Variants in TBC1D10B observed in about 807,000 individuals in gnomAD.
The protein encoded by TBC1D10B is TBC1 domain family member 10B, also known as Rab27A-GAPbeta.
A neutral mutation model predicts 78.4 loss-of-function variants in TBC1D10B; 25 were observed. The observed-to-expected ratio is 0.32, with a 90% CI of 0.23 to 0.45. The LOEUF (loss-of-function observed/expected upper bound fraction) is 0.45. TBC1D10B is among the 20% of genes least tolerant of loss of function. TBC1D10B has a pLI of 1.00. For missense variants in TBC1D10B, 996 were observed against 1,104.8 expected (o/e 0.90, Z 1.40); for synonymous variants, 517 against 478.0 (o/e 1.08, Z -1.06).
At position 30,369,780 on chromosome 16, in the gene TBC1D10B, G is replaced by T; in HGVS notation, c.404C>A (p.Thr135Lys). 1 of 1,438,618 alleles carries T rather than the reference G, an allele frequency of 7.0e-7. No homozygotes were observed. The highest frequency in any genetic ancestry group is 9.1e-7 in the Non-Finnish European group (1 of 1,093,566). The allele number at this position is 1,438,618 out of a possible 1,614,324, so 89.1% of individuals were successfully genotyped here. ...GGCGGGTGAGGGTCGAGCCTCCTCT[G>T]TCTTCGGCGAGTCTGCCCCTGCGGC... The part of the protein sequence containing the change: ...ALAAGADSPK[T>K]EEARPSPAPG... Residue 135 changes from threonine to lysine, a missense_variant, in exon 1 of 9, where the codon ACA becomes AAA. Thr to Lys is a moderately conservative substitution (Grantham distance 78). Around this residue, in one of 5 missense-constraint regions of TBC1D10B, gnomAD observed 448 missense variants for 442.1 expected, o/e 1.01. Coordinates refer to ENST00000409939, the MANE Select transcript of TBC1D10B (RefSeq NM_015527.4). The surrounding 1 kb of genome is among the most constrained non-coding windows in gnomAD (Gnocchi z 4.3).
chr16:30,370,435 G>T lies in TBC1D10B; in HGVS notation c.-252C>A, dbSNP rs963838779. The stretch of plus-strand genomic sequence containing the variant: ...ACCGCCCCCTCCCTCCTGCTTGGGG[G>T]CGAGCCGCCGACCTCGCGCCTGCGC... On this transcript the variant is annotated 5_prime_UTR_variant, in exon 1 of 9. Coordinates refer to ENST00000409939, the MANE Select transcript of TBC1D10B (RefSeq NM_015527.4). Among the ~76,000 whole-genome samples, 2 of 151,914 alleles carry T rather than the reference G, an allele frequency of 1.3e-5. No individual in the cohort carries two copies. Among genetic ancestry groups the T allele is most frequent in the Non-Finnish European group, 2.9e-5 (2 of 67,910 alleles).
In TBC1D10B at chr16:30,365,205, A is replaced by G; in HGVS notation, c.1064T>C (p.Leu355Pro). ...GGAGGGGATCCCCTTCCGGCAGCGC[A>G]GCTTCACCTAAGGCAAAGTGGCAGG... ...WLSRRFQKVK[L>P]RCRKGIPSSL... The change falls in exon 3 of 9, where the codon CTG (leucine) becomes CCG (proline). Residue 355 changes from leucine to proline, a missense_variant. This residue lies in a region of TBC1D10B where 93 missense variants were observed against 152.7 expected (regional missense o/e 0.61). Coordinates refer to ENST00000409939, the MANE Select transcript of TBC1D10B (RefSeq NM_015527.4). The surrounding 1 kb of genome is among the most constrained non-coding windows in gnomAD (Gnocchi z 5.0). 6.2e-7 allele frequency: 1 copy of G among 1,613,888 alleles called. No homozygotes were observed. Among genetic ancestry groups the G allele is most frequent in the Non-Finnish European group, 8.5e-7 (1 of 1,179,848 alleles).
At position 30,365,342 on chromosome 16, in the gene TBC1D10B, G is replaced by T; in HGVS notation, c.1057-130C>A. On this transcript the variant is annotated intron_variant, in intron 2 of 8. Transcript: ENST00000409939. This position sits in a 1 kb window ranked among gnomAD's most constrained non-coding sequence, Gnocchi z 5.0. ...GGCTTGATTCCACTGGACCTGGCCT[G>T]GACTTCTATTTTTAAAGCCATTCCC... The T allele has an allele frequency of 8.1e-7, 1 of 1,230,124 alleles. No homozygotes were observed. Among genetic ancestry groups the T allele is most frequent in the Non-Finnish European group, 1.2e-6 (1 of 853,774 alleles). The allele number at this position is 1,230,124 out of a possible 1,614,324, so 76.2% of individuals were successfully genotyped here. A position where few individuals can be genotyped will look rare whatever the true frequency, so the allele number is the denominator to read the frequency against.
chr16:30,357,751 C>A lies in TBC1D10B; in HGVS notation c.*193G>T. On this transcript the variant is annotated 3_prime_UTR_variant, in exon 9 of 9. Transcript: ENST00000409939. ...GCTGAGCCTCATGGGAGATGAGAGG[C>A]TCCAGACTCATTTGCAGCTGCCCAT... 1.3e-6 allele frequency: 1 copy of A among 765,150 alleles called. No homozygotes were observed. The highest frequency in any genetic ancestry group is 2.0e-6 in the Non-Finnish European group (1 of 488,788). The allele number at this position is 765,150 out of a possible 1,614,324, so 47.4% of individuals were successfully genotyped here.
At chr16:30,362,712 T>A (rs2049607145) in intron 4 of TBC1D10B, among the ~76,000 whole-genome samples, 1 of 152,188 alleles carries the variant, frequency 6.6e-6, no homozygotes, top group Non-Finnish European at 1.5e-5. Flanking sequence ...TGAACTTACA[T>A]CTCTATCTAG....
rs1287263333 is a variant in TBC1D10B, at chr16:30,365,840, G to A, written c.957-246C>T. ...CTTCTGACACATCCAAATCTGGGGA[G>A]AGAGTATGGAGTATTTTAAAGCCAC... On this transcript the variant is annotated intron_variant, in intron 1 of 8. Transcript: ENST00000409939. The surrounding 1 kb of genome is among the most constrained non-coding windows in gnomAD (Gnocchi z 5.0). The A allele has an allele frequency of 2.1e-6, 1 of 484,166 alleles. No homozygotes were observed. The highest frequency in any genetic ancestry group is 3.8e-6 in the Non-Finnish European group (1 of 264,372). 30.0% of individuals were successfully genotyped at this position (484,166 alleles called of 1,614,324 possible). A position where few individuals can be genotyped will look rare whatever the true frequency, so the allele number is the denominator to read the frequency against.
chr16:30,359,790 G>A lies in TBC1D10B; in HGVS notation c.1323C>T (p.Asp441=), dbSNP rs112374393. 1.5e-4 allele frequency: 236 copies of A among 1,583,796 alleles called. No homozygotes were observed. Among genetic ancestry groups the A allele is most frequent in the Non-Finnish European group, 1.9e-4 (226 of 1,164,814 alleles). Reference sequence around the variant, plus strand: ...GGGCCTGGGCCTGGCAGTAACCCTCGTCAGGCCGGTAGATGGTGTAGGCCT... The same window carrying A: ...GGGCCTGGGCCTGGCAGTAACCCTCATCAGGCCGGTAGATGGTGTAGGCCT... ...ILKAYTIYRP[D]EGYCQAQAPV... The change falls in exon 5 of 9, where the codon GAC becomes GAT. Residue 441 remains aspartate, a synonymous_variant. Transcript: ENST00000409939.
In TBC1D10B at chr16:30,365,601, G is replaced by A. The variant is rs2049630088; in HGVS notation, c.957-7C>T. The A allele has an allele frequency of 1.9e-6, 3 of 1,613,616 alleles. No homozygotes were observed. Among genetic ancestry groups the A allele is most frequent in the Non-Finnish European group, 2.5e-6 (3 of 1,179,746 alleles). Reference sequence around the variant, plus strand: ...CACGGGAATGGAGCTCTCTCTGCAGGGTCGGGGGAGCACGGAAGGGGTCAG... The same window carrying A: ...CACGGGAATGGAGCTCTCTCTGCAGAGTCGGGGGAGCACGGAAGGGGTCAG... On this transcript the variant is annotated splice_polypyrimidine_tract_variant and splice_region_variant and intron_variant, in intron 1 of 8. Transcript: ENST00000409939. The surrounding 1 kb of genome is among the most constrained non-coding windows in gnomAD (Gnocchi z 5.0).
chr16:30,358,375 TGAGGCCAGG>T lies in TBC1D10B; in HGVS notation c.1987_1995del (p.Pro663_Leu665del). 3 of 1,563,232 alleles carry T rather than the reference TGAGGCCAGG, an allele frequency of 1.9e-6. No individual in the cohort carries two copies. In the Middle Eastern group the frequency reaches 5.1e-4, roughly 268 times the overall value. On this transcript the variant is annotated inframe_deletion, in exon 9 of 9. Coordinates refer to ENST00000409939, the MANE Select transcript of TBC1D10B (RefSeq NM_015527.4). Reference sequence around the variant, plus strand: ...CCAGCTGCCCGGGAGCCTCGGCTCTTGAGGCCAGGGAGGCTGAGGAGGCTGGAGGAGGGG... The same window carrying T: ...CCAGCTGCCCGGGAGCCTCGGCTCTTGAGGCTGAGGAGGCTGGAGGAGGGG...
chr16:30,365,593 C>A lies in TBC1D10B; in HGVS notation c.958G>T (p.Glu320Ter). ...GCCACGTCCACGGGAATGGAGCTCTCTCTGCAGGGTCGGGGGAGCACGGAA... is the reference window on the plus strand; with the variant it reads ...GCCACGTCCACGGGAATGGAGCTCTATCTGCAGGGTCGGGGGAGCACGGAA... ...LGGSQYSGSL[E>*]SSIPVDVARQ... The change falls in exon 2 of 9, where the codon GAG becomes TAG. Residue 320 changes from glutamate (E) to a stop codon, truncating the protein, a stop_gained and splice_region_variant. Coordinates refer to ENST00000409939, the MANE Select transcript of TBC1D10B (RefSeq NM_015527.4). LOFTEE classifies it high-confidence loss of function. The surrounding 1 kb of genome is among the most constrained non-coding windows in gnomAD (Gnocchi z 5.0). 1 of 1,613,908 alleles carries A rather than the reference C, an allele frequency of 6.2e-7. No homozygotes were observed. Among genetic ancestry groups the A allele is most frequent in the Non-Finnish European group, 8.5e-7 (1 of 1,179,872 alleles).
chr16:30,359,428 C>T (rs760028431), intron 6 of TBC1D10B, 67 bp from the exon 7 acceptor site: 31 of 1,545,550 alleles, frequency 2.0e-5, no homozygotes, highest in East Asian at 2.0e-4. Context: ...GAGAACTGGC[C>T]GGCCCTGTGG....
intron 4 of TBC1D10B, among the ~76,000 whole-genome samples, chr16:30,361,415 C>T (rs908052832): frequency 6.6e-6 from 1 of 152,200 alleles, no homozygotes; most frequent in Non-Finnish European, 1.5e-5. Context: ...GGGTTTCACC[C>T]ACTGCTCCAC....
chr16:30,358,025 A>G lies in TBC1D10B; in HGVS notation c.2346T>C (p.Arg782=). 6.4e-7 allele frequency: 1 copy of G among 1,551,824 alleles called. No homozygotes were observed. The highest frequency in any genetic ancestry group is 8.7e-7 in the Non-Finnish European group (1 of 1,147,012). The change falls in exon 9 of 9, where the codon CGT becomes CGC. Residue 782 remains arginine (R), a synonymous_variant. Coordinates refer to ENST00000409939, the MANE Select transcript of TBC1D10B (RefSeq NM_015527.4). ...GGCCTGGGGGCCCATCTGCCTTTCG[A>G]CGCAGCGAAAGCTTCCGGCCTTGAG... ...KKAQGRKLSL[R]RKADGPPGPH... is the part of the protein sequence containing the mutation.
intron 4 of TBC1D10B, among the ~76,000 whole-genome samples, chr16:30,361,492 C>A (rs1282135008): frequency 6.7e-6 from 1 of 150,274 alleles, no homozygotes; most frequent in Admixed American, 6.6e-5. Context: ...TGCAATGGTG[C>A]GATCCCAGCT....
chr16:30,359,405 G>A (rs1567411896), intron 6 of TBC1D10B, 44 bp from the exon 7 acceptor site: 1 of 1,549,686 alleles, frequency 6.5e-7, no homozygotes. Flanking sequence ...AGTCAGCTGT[G>A]CCCCCATCAG....
rs1426555159 is a variant in TBC1D10B, at chr16:30,358,517, G to C, written c.1854C>G (p.Leu618=). Residue 618 remains leucine, a synonymous_variant, in exon 9 of 9, where the codon CTC becomes CTG. Coordinates refer to ENST00000409939, the MANE Select transcript of TBC1D10B (RefSeq NM_015527.4). The stretch of plus-strand genomic sequence containing the variant: ...CCCCCCGCGTTTCCCGCCACTTCTT[G>C]AGCTGGGCTGCATTCTCCCGCTCAA... ...ALIERENAAQ[L]KKWRETRGEL... 6.2e-7 allele frequency: 1 copy of C among 1,611,018 alleles called. No homozygotes were observed. Among genetic ancestry groups the C allele is most frequent in the Non-Finnish European group, 8.5e-7 (1 of 1,178,178 alleles).
rs2049628365 is a variant in TBC1D10B, at chr16:30,365,341, T to G, written c.1057-129A>C. On this transcript the variant is annotated intron_variant, in intron 2 of 8. Coordinates refer to ENST00000409939, the MANE Select transcript of TBC1D10B (RefSeq NM_015527.4). This position sits in a 1 kb window ranked among gnomAD's most constrained non-coding sequence, Gnocchi z 5.0. ...AGGCTTGATTCCACTGGACCTGGCC[T>G]GGACTTCTATTTTTAAAGCCATTCC... 1 of 1,228,172 alleles carries G rather than the reference T, an allele frequency of 8.1e-7. No individual in the cohort carries two copies. The highest frequency in any genetic ancestry group is 1.2e-6 in the Non-Finnish European group (1 of 852,020). 76.1% of individuals were successfully genotyped at this position (1,228,172 alleles called of 1,614,324 possible). A position where few individuals can be genotyped will look rare whatever the true frequency, so the allele number is the denominator to read the frequency against.
chr16:30,365,348 C>G lies in TBC1D10B; in HGVS notation c.1057-136G>C. The G allele has an allele frequency of 8.0e-7, 1 of 1,250,662 alleles. No individual in the cohort carries two copies. 77.5% of individuals were successfully genotyped at this position (1,250,662 alleles called of 1,614,324 possible). ...ATTCCACTGGACCTGGCCTGGACTTCTATTTTTAAAGCCATTCCCCCGCCA... is the reference window on the plus strand; with the variant it reads ...ATTCCACTGGACCTGGCCTGGACTTGTATTTTTAAAGCCATTCCCCCGCCA... On this transcript the variant is annotated intron_variant, in intron 2 of 8. Transcript: ENST00000409939. This position sits in a 1 kb window ranked among gnomAD's most constrained non-coding sequence, Gnocchi z 5.0.
Position 30,358,378 on chromosome 16 carries a change from G to A in TBC1D10B, c.1993C>T (p.Leu665Phe). 1 of 1,564,188 alleles carries A rather than the reference G, an allele frequency of 6.4e-7. No individual in the cohort carries two copies. Among genetic ancestry groups the A allele is most frequent in the African/African-American group, 1.4e-5 (1 of 73,790 alleles). The part of the protein sequence containing the change: ...PSSSLLSLPG[L>F]KSRGSRAAGG... ...GCTGCCCGGGAGCCTCGGCTCTTGA[G>A]GCCAGGGAGGCTGAGGAGGCTGGAG... The change falls in exon 9 of 9, where the codon CTC becomes TTC. Residue 665 changes from leucine (L) to phenylalanine (F), a missense_variant. Coordinates refer to ENST00000409939, the MANE Select transcript of TBC1D10B (RefSeq NM_015527.4).
Sources: allele counts gnomAD v4.1 joint callset (sites outside exome capture counted in the v4.1 genomes callset), GRCh38; gene constraint gnomAD v4.1.1; regional missense constraint gnomAD v4.1.1; non-coding constraint Gnocchi (gnomAD v3.1); transcripts MANE v1.5; gene names NCBI Gene and HGNC (gene_info 2026-07-23, HGNC 2026-07-21).